Variants in USP2 observed in about 807,000 individuals in gnomAD.
USP2 encodes ubiquitin specific peptidase 2.
A neutral mutation model predicts 72.0 loss-of-function variants in USP2; 33 were observed. The observed-to-expected ratio is 0.46, with a 90% confidence interval of 0.35 to 0.61. USP2 has a LOEUF of 0.61. USP2 is among the 20% of genes least tolerant of loss of function. USP2 has a pLI of 0.01. For synonymous variants in USP2, 296 were observed against 312.5 expected, an observed-to-expected ratio of 0.95 and a Z score of 0.56; for missense variants, 691 against 797.8, an observed-to-expected ratio of 0.87 and a Z score of 1.61.
intron 11 of USP2, 37 bp from the exon 12 acceptor site, chr11:119,357,344 C>G: frequency 6.2e-7 from 1 of 1,612,080 alleles, no homozygotes; most frequent in Non-Finnish European, 8.5e-7. Context: ...CCGAGGCCCC[C>G]CTGCCCCGAC....
At chr11:119,363,956 GGGGGTC>G in intron 2 of USP2, 1 of 1,285,204 alleles carries the variant, frequency 7.8e-7, no homozygotes, top group Non-Finnish European at 9.9e-7. Context: ...GGGGCGGCGG[GGGGGTC>G]CTCGGGCAGG....
chr11:119,364,150 A>C (rs1423329107), intron 2 of USP2: 9 of 1,212,262 alleles, frequency 7.4e-6, no homozygotes, highest in African/African-American at 1.6e-5. Flanking sequence ...CCTCCGCCTC[A>C]ACCTCCCCGG....
At chr11:119,357,034 C>CG in intron 12 of USP2, 112 bp from the exon 13 acceptor site, 4 of 1,420,520 alleles carry the variant, frequency 2.8e-6, no homozygotes, top group Middle Eastern at 2.5e-4. Context: ...AGCCTCCCCA[C>CG]GGGCAGCGGC....
rs1305160900 is a variant in USP2 at position 119,357,115 on chromosome 11, G to A, written c.1730+72C>T. The A allele has an allele frequency of 1.1e-5, 17 of 1,504,662 alleles. 1 individual carries two copies. The South Asian group carries it at 1.5e-4, about 13-fold the overall frequency. The allele number at this position is 1,504,662 out of a possible 1,614,324, so 93.2% of individuals were successfully genotyped here. A position where few individuals can be genotyped will look rare whatever the true frequency, so the allele number is the denominator to read the frequency against. On this transcript the variant is annotated intron_variant, in intron 12 of 12. Coordinates refer to ENST00000260187, the MANE Select transcript of USP2 (RefSeq NM_004205.5). ...GGGGGGTGGGAGGGGGGTGGGTTTG[G>A]GGGGAGGGTGGAGGAGTGGGGGGAG...
rs562221523 is a variant in USP2, at chr11:119,366,825, T to C, written c.774+5882A>G. Among the ~76,000 whole-genome samples, 242 of 152,238 alleles carry C rather than the reference T, an allele frequency of 1.6e-3. 10 individuals carry two copies. The South Asian group carries it at 0.048, about 30-fold the overall frequency. On this transcript the variant is annotated intron_variant, in intron 2 of 12. Coordinates refer to ENST00000260187, the MANE Select transcript of USP2 (RefSeq NM_004205.5). ...CTGTTTCCCCATGACTTAGACACAGTGATGTAAGCACTCCCACCCAGGACA... is the reference window on the plus strand; with the variant it reads ...CTGTTTCCCCATGACTTAGACACAGCGATGTAAGCACTCCCACCCAGGACA...
At chr11:119,372,019 C>T (rs1021088526) in intron 2 of USP2, among the ~76,000 whole-genome samples, 4 of 152,258 alleles carry the variant, frequency 2.6e-5, no homozygotes, top group South Asian at 2.1e-4. Flanking sequence ...AGTTGGCGAG[C>T]GAGCCCATGC....
chr11:119,376,659 C>G (rs1050990828), intron 1 of USP2, among the ~76,000 whole-genome samples: 5 of 152,274 alleles, frequency 3.3e-5, no homozygotes, highest in African/African-American at 1.2e-4. Flanking sequence ...TTTCCCTCTC[C>G]TGGGAGGTGC....
intron 2 of USP2, among the ~76,000 whole-genome samples, chr11:119,368,882 G>A (rs1331944486): frequency 6.6e-6 from 1 of 152,234 alleles, no homozygotes; most frequent in African/African-American, 2.4e-5. Flanking sequence ...AGAATGCCAG[G>A]GCTAGGGAGG....
intron 2 of USP2, among the ~76,000 whole-genome samples, chr11:119,363,081 G>A (rs1216090991): frequency 3.9e-5 from 6 of 152,222 alleles, no homozygotes; most frequent in East Asian, 1.9e-4. Context: ...TACCTCACCT[G>A]TGTGGTGAGG....
At chr11:119,364,034 G>C (rs1333627100) in intron 2 of USP2, 8 of 1,236,102 alleles carry the variant, frequency 6.5e-6, no homozygotes, top group Non-Finnish European at 8.1e-6. Context: ...CTCGCTTAAC[G>C]TTGGCAGCGG....
At chr11:119,378,589 C>T (rs1951028397) in intron 1 of USP2, among the ~76,000 whole-genome samples, 1 of 152,140 alleles carries the variant, frequency 6.6e-6, no homozygotes, top group Non-Finnish European at 1.5e-5. Context: ...GATAAAGAGA[C>T]TGGAGATTAA....
intron 2 of USP2, among the ~76,000 whole-genome samples, chr11:119,368,547 C>A (rs563630453): frequency 6.6e-6 from 1 of 152,368 alleles, no homozygotes; most frequent in African/African-American, 2.4e-5. Flanking sequence ...TATAATCTCC[C>A]TGTCACTGAA....
At chr11:119,368,362 C>A (rs923937890) in intron 2 of USP2, among the ~76,000 whole-genome samples, 2 of 152,182 alleles carry the variant, frequency 1.3e-5, no homozygotes, top group African/African-American at 4.8e-5. Context: ...AGTGTGGCTG[C>A]GTGAACGGAG....
At chr11:119,363,609 G>A (rs775947523) in intron 2 of USP2, among the ~76,000 whole-genome samples, 4 of 151,978 alleles carry the variant, frequency 2.6e-5, no homozygotes, top group Non-Finnish European at 4.4e-5. Flanking sequence ...CTGGTGCCGG[G>A]GCCACCGAGA....
Position 119,359,038 on chromosome 11 carries a change from G to T in USP2, c.1158C>A (p.Asn386Lys). 1 of 1,614,024 alleles carries T rather than the reference G, an allele frequency of 6.2e-7. No individual in the cohort carries two copies. Among genetic ancestry groups the T allele is most frequent in the Middle Eastern group, 1.6e-4 (1 of 6,062 alleles). The change falls in exon 6 of 13, where the codon AAC (asparagine) becomes AAA (lysine). Residue 386 changes from asparagine to lysine, a missense_variant. Transcript: ENST00000260187. ...CTCTTACTTACGGAAGATGATCGAG[G>T]TTCTCAGGGTTGGACTTAGGTCTCA... ...VTLRPKSNPE[N>K]LDHLPDDEKG... is the part of the protein sequence containing the mutation.
chr11:119,373,526 AAG>A lies in USP2; in HGVS notation c.-41-7_-41-6del, dbSNP rs753264348. The stretch of plus-strand genomic sequence containing the variant: ...GGGGACTGGGAGCCTCATGGGCTGA[AAG>A]ACAAGGAGTGTAGTTGTCAGAGGGC... On this transcript the variant is annotated splice_polypyrimidine_tract_variant and splice_region_variant and intron_variant, in intron 1 of 12. Coordinates refer to ENST00000260187, the MANE Select transcript of USP2 (RefSeq NM_004205.5). 7.5e-5 allele frequency: 115 copies of A among 1,525,742 alleles called. No homozygotes were observed. The highest frequency in any genetic ancestry group is 9.5e-5 in the Non-Finnish European group (109 of 1,144,224). 94.5% of individuals were successfully genotyped at this position (1,525,742 alleles called of 1,614,324 possible).
At position 119,373,385 on chromosome 11, in the gene USP2, C is replaced by A. The variant is rs587985; in HGVS notation, c.96G>T (p.Pro32=). 2 of 1,609,818 alleles carry A rather than the reference C, an allele frequency of 1.2e-6. No individual in the cohort carries two copies. Among genetic ancestry groups the A allele is most frequent in the African/African-American group, 2.7e-5 (2 of 74,784 alleles). ...YAKSGYGAYT[P]SSYGANLAAS... ...CAGCCAGATTGGCCCCATAGGAGGA[C>A]GGGGTGTAGGCACCATAGCCCGACT... The change falls in exon 2 of 13, where the codon CCG becomes CCT. Residue 32 remains proline, a synonymous_variant. Transcript: ENST00000260187.
In USP2 at chr11:119,357,173, G is replaced by C; in HGVS notation, c.1730+14C>G. On this transcript the variant is annotated intron_variant, in intron 12 of 12. Coordinates refer to ENST00000260187, the MANE Select transcript of USP2 (RefSeq NM_004205.5). ...GGCTACAGCCAGGGGCTCCGGCCCT[G>C]CCCTGGCTCTCACCTGGAGTCGTTG... is the stretch of plus-strand genomic sequence containing the variant. 6.2e-7 allele frequency: 1 copy of C among 1,613,206 alleles called. No homozygotes were observed. The highest frequency in any genetic ancestry group is 8.5e-7 in the Non-Finnish European group (1 of 1,179,828).
chr11:119,358,657 T>G, intron 7 of USP2, 116 bp downstream of exon 7: 2 of 1,264,144 alleles, frequency 1.6e-6, no homozygotes, highest in East Asian at 2.3e-5. Context: ...TTTGCTTTGT[T>G]GAACACTAGG....
Sources: allele counts gnomAD v4.1 joint callset (sites outside exome capture counted in the v4.1 genomes callset), GRCh38; gene constraint gnomAD v4.1.1; transcripts MANE v1.5; gene names NCBI Gene and HGNC (gene_info 2026-07-23, HGNC 2026-07-21).